Variants in CAMSAP1 observed in about 807,000 individuals in gnomAD.
The protein encoded by CAMSAP1 is calmodulin regulated spectrin associated protein 1, also known as calmodulin-regulated spectrin-associated protein 1.
CAMSAP1 carries 58 observed loss-of-function variants against 143.5 expected under a neutral mutation model. The observed-to-expected ratio is 0.40, with a 90% CI of 0.33 to 0.50. CAMSAP1 has a LOEUF of 0.50. Ranked by LOEUF, CAMSAP1 falls within the 20% of genes least tolerant of loss-of-function variation. The pLI is 0.45. For synonymous variants in CAMSAP1, 945 were observed against 859.3 expected, an observed-to-expected ratio of 1.10 and a Z score of -1.74; for missense variants, 1,969 against 2,115.7, an observed-to-expected ratio of 0.93 and a Z score of 1.36.
At chr9:135,813,323 CTATT>C (rs1248650961) in intron 16 of CAMSAP1, among the ~76,000 whole-genome samples, 2 of 152,314 alleles carry the variant, frequency 1.3e-5, no homozygotes, top group East Asian at 3.9e-4. Flanking sequence ...TGCCACTCTT[CTATT>C]TATTTGGCTT....
At position 135,818,136 on chromosome 9, in the gene CAMSAP1, T is replaced by C; in HGVS notation, c.4169-57A>G. 1 of 1,536,832 alleles carries C rather than the reference T, an allele frequency of 6.5e-7. No homozygotes were observed. The highest frequency in any genetic ancestry group is 9.0e-7 in the Non-Finnish European group (1 of 1,116,740). ...GAACGGATTCCGACAGACAAGTACC[T>C]GTCCCCTGTACCTGTTCCCCTCACC... On this transcript the variant is annotated intron_variant, in intron 13 of 16. Coordinates refer to ENST00000389532, the MANE Select transcript of CAMSAP1 (RefSeq NM_015447.4). This position sits in a 1 kb window ranked among gnomAD's most constrained non-coding sequence, Gnocchi z 7.7.
Position 135,818,357 on chromosome 9 carries a change from CCGCCGCCCGCGGAAGGAAG to C in CAMSAP1, c.4168+32_4168+50del. On this transcript the variant is annotated intron_variant, in intron 13 of 16. Coordinates refer to ENST00000389532, the MANE Select transcript of CAMSAP1 (RefSeq NM_015447.4). The surrounding 1 kb of genome is among the most constrained non-coding windows in gnomAD (Gnocchi z 7.7). Reference sequence around the variant, plus strand: ...TTGAAATGAGCTGAAGAACGTGAGGCCGCCGCCCGCGGAAGGAAGCGCTGCCCGCGTGAGGGCCGGGGCT... The same window carrying C: ...TTGAAATGAGCTGAAGAACGTGAGGCCGCTGCCCGCGTGAGGGCCGGGGCT... 1 of 1,503,788 alleles carries C rather than the reference CCGCCGCCCGCGGAAGGAAG, an allele frequency of 6.6e-7. No homozygotes were observed. The highest frequency in any genetic ancestry group is 8.9e-7 in the Non-Finnish European group (1 of 1,124,570). The allele number at this position is 1,503,788 out of a possible 1,614,324, so 93.2% of individuals were successfully genotyped here.
intron 5 of CAMSAP1, among the ~76,000 whole-genome samples, chr9:135,853,884 A>G (rs539207869): frequency 1.4e-4 from 22 of 152,388 alleles, no homozygotes; most frequent in Admixed American, 1.4e-3. Flanking sequence ...TGAGGCCCAG[A>G]GCCACGATCA....
chr9:135,811,705 T>C lies in CAMSAP1; in HGVS notation c.4507-94A>G. 8.0e-7 allele frequency: 1 copy of C among 1,254,458 alleles called. No individual in the cohort carries two copies. Among genetic ancestry groups the C allele is most frequent in the Non-Finnish European group, 1.1e-6 (1 of 903,022 alleles). The allele number at this position is 1,254,458 out of a possible 1,614,324, so 77.7% of individuals were successfully genotyped here. A position where few individuals can be genotyped will look rare whatever the true frequency, so the allele number is the denominator to read the frequency against. Reference sequence around the variant, plus strand: ...CCCACAGCGGCTCAACCAGCACCGCTCCGTGGGAAGCTCTCCCACCCGTCA... The same window carrying C: ...CCCACAGCGGCTCAACCAGCACCGCCCCGTGGGAAGCTCTCCCACCCGTCA... On this transcript the variant is annotated intron_variant, in intron 16 of 16. Transcript: ENST00000389532. The surrounding 1 kb of genome is among the most constrained non-coding windows in gnomAD (Gnocchi z 4.9).
intron 1 of CAMSAP1, among the ~76,000 whole-genome samples, chr9:135,886,011 AT>A (rs1838109902): frequency 6.6e-6 from 1 of 151,796 alleles, no homozygotes; most frequent in Admixed American, 6.6e-5. Context: ...CGAGAGCTGG[AT>A]GTGCACAGTT....
In CAMSAP1 at chr9:135,818,639, C is replaced by T; in HGVS notation, c.3960-23G>A. ...CGCCTGAGAGAAACACACGCCCAGACACTGCTCGGTCACGGGGCTTCTTCC... is the reference window on the plus strand; with the variant it reads ...CGCCTGAGAGAAACACACGCCCAGATACTGCTCGGTCACGGGGCTTCTTCC... On this transcript the variant is annotated intron_variant, in intron 12 of 16. Transcript: ENST00000389532. This position sits in a 1 kb window ranked among gnomAD's most constrained non-coding sequence, Gnocchi z 7.7. 6.2e-7 allele frequency: 1 copy of T among 1,608,200 alleles called. No homozygotes were observed. The highest frequency in any genetic ancestry group is 8.5e-7 in the Non-Finnish European group (1 of 1,176,690).
In CAMSAP1 at chr9:135,821,188, C is replaced by A. The variant is rs534937617; in HGVS notation, c.3473G>T (p.Gly1158Val). Residue 1158 changes from glycine (G) to valine (V), a missense_variant, in exon 11 of 17, where the codon GGT becomes GTT. Gly to Val is a moderately radical substitution (Grantham distance 109). Coordinates refer to ENST00000389532, the MANE Select transcript of CAMSAP1 (RefSeq NM_015447.4). This position sits in a 1 kb window ranked among gnomAD's most constrained non-coding sequence, Gnocchi z 4.6. ...GAAGAGACACTTCCCATGTGGGTCA[C>A]CACTGGGCTCCAGGGCACTGTCCAG... ...PGLDSALEPSGDPHGKCLFDS... is the reference protein window; with the variant it reads ...PGLDSALEPSVDPHGKCLFDS... 6.2e-6 allele frequency: 10 copies of A among 1,609,936 alleles called. No homozygotes were observed. In the East Asian group the frequency reaches 1.3e-4, roughly 22 times the overall value.
At chr9:135,846,359 C>A (rs1220543150) in intron 7 of CAMSAP1, among the ~76,000 whole-genome samples, 2 of 152,056 alleles carry the variant, frequency 1.3e-5, no homozygotes, top group Non-Finnish European at 2.9e-5. Context: ...TTCCTTACAC[C>A]TTATACAAAA....
At chr9:135,832,436 T>C (rs1835887996) in intron 7 of CAMSAP1, among the ~76,000 whole-genome samples, 1 of 152,202 alleles carries the variant, frequency 6.6e-6, no homozygotes. Context: ...AAAAACCATT[T>C]ATGAAAAGCC....
At chr9:135,902,992 C>T (rs1305000853) in intron 1 of CAMSAP1, among the ~76,000 whole-genome samples, 1 of 152,224 alleles carries the variant, frequency 6.6e-6, no homozygotes, top group Non-Finnish European at 1.5e-5. Context: ...GAATTGAGTG[C>T]ATGCTAGTAC....
intron 7 of CAMSAP1, among the ~76,000 whole-genome samples, chr9:135,846,803 T>G (rs760838599): frequency 6.6e-6 from 1 of 151,540 alleles, no homozygotes; most frequent in Non-Finnish European, 1.5e-5. Context: ...CACTGGTCAT[T>G]AGAGAAATGA....
In CAMSAP1 at chr9:135,838,421, C is replaced by T. The variant is rs575873393; in HGVS notation, c.1046-10837G>A. ...CAGACACACATCATCACGCACTTTC[C>T]ACCCGTTCTACAGACACACATCATC... On this transcript the variant is annotated intron_variant, in intron 7 of 16. Coordinates refer to ENST00000389532, the MANE Select transcript of CAMSAP1 (RefSeq NM_015447.4). 7.2e-3 allele frequency among the ~76,000 whole-genome samples: 1,010 copies of T among 140,888 alleles called. 7 individuals carry two copies. Among genetic ancestry groups the T allele is most frequent in the Non-Finnish European group, 0.012 (769 of 64,824 alleles). The allele number at this position is 140,888 out of a possible 152,430, so 92.4% of individuals were successfully genotyped here.
At position 135,881,732 on chromosome 9, in the gene CAMSAP1, G is replaced by T. The variant is rs1000627161; in HGVS notation, c.486C>A (p.Ile162=). Residue 162 remains isoleucine, a synonymous_variant, in exon 3 of 17, where the codon ATC becomes ATA. Coordinates refer to ENST00000389532, the MANE Select transcript of CAMSAP1 (RefSeq NM_015447.4). ...GCTTGACACTGGCCACCACCTTCTCGATGCTGATCATCTCCACAGTGTAGG... is the reference window on the plus strand; with the variant it reads ...GCTTGACACTGGCCACCACCTTCTCTATGCTGATCATCTCCACAGTGTAGG... ...MMAYTVEMIS[I]EKVVASVKRF... 6.4e-7 allele frequency: 1 copy of T among 1,551,840 alleles called. No homozygotes were observed. The highest frequency in any genetic ancestry group is 8.7e-7 in the Non-Finnish European group (1 of 1,147,026).
At chr9:135,870,020 G>GGA (rs1837517194) in intron 3 of CAMSAP1, among the ~76,000 whole-genome samples, 1 of 152,208 alleles carries the variant, frequency 6.6e-6, no homozygotes, top group South Asian at 2.1e-4. Flanking sequence ...CAGGGGCTGA[G>GGA]GAGAGAATGA....
At chr9:135,851,228 A>T (rs942437092) in intron 5 of CAMSAP1, among the ~76,000 whole-genome samples, 1 of 152,232 alleles carries the variant, frequency 6.6e-6, no homozygotes, top group Non-Finnish European at 1.5e-5. Flanking sequence ...TTGCCTGTAA[A>T]TATATACATA....
In CAMSAP1 at chr9:135,817,987, G is replaced by T. The variant is rs755613665; in HGVS notation, c.4261C>A (p.Pro1421Thr). 6.2e-6 allele frequency: 10 copies of T among 1,613,782 alleles called. No homozygotes were observed. In the Admixed American group the frequency reaches 1.7e-4, roughly 27 times the overall value. ...TCTCAGGCCCCTTACCGCTGAGAGG[G>T]TGTGCCCCCGGAATGAACGCTCTCG... ...EPESVHSGGTPSQRVESMEAL... is the reference protein window; with the variant it reads ...EPESVHSGGTTSQRVESMEAL... The change falls in exon 14 of 17, where the codon CCC becomes ACC. Residue 1421 changes from proline (P) to threonine (T), a missense_variant. Transcript: ENST00000389532.
intron 7 of CAMSAP1, among the ~76,000 whole-genome samples, chr9:135,840,956 T>C (rs1449424218): frequency 6.6e-6 from 1 of 152,116 alleles, no homozygotes; most frequent in African/African-American, 2.4e-5. Flanking sequence ...TGCAGGAGTT[T>C]TTTTTCATAC....
Position 135,820,823 on chromosome 9 carries a change from G to T in CAMSAP1, c.3822+16C>A. The T allele has an allele frequency of 1.9e-6, 3 of 1,609,970 alleles. No homozygotes were observed. The highest frequency in any genetic ancestry group is 2.5e-6 in the Non-Finnish European group (3 of 1,179,020). Reference sequence around the variant, plus strand: ...CACATCACGAGTGCCTGAAACAGATGCTACCAATCCCTTACCTTGAAGAAG... The same window carrying T: ...CACATCACGAGTGCCTGAAACAGATTCTACCAATCCCTTACCTTGAAGAAG... On this transcript the variant is annotated intron_variant, in intron 11 of 16. Transcript: ENST00000389532. The surrounding 1 kb of genome is among the most constrained non-coding windows in gnomAD (Gnocchi z 4.4).
At chr9:135,814,045 G>A (rs111945528) in intron 16 of CAMSAP1, among the ~76,000 whole-genome samples, 33 of 152,316 alleles carry the variant, frequency 2.2e-4, no homozygotes, top group African/African-American at 7.9e-4. Flanking sequence ...AGGGCCACGA[G>A]TCCTTCCAGT....
Sources: allele counts gnomAD v4.1 joint callset (sites outside exome capture counted in the v4.1 genomes callset), GRCh38; gene constraint gnomAD v4.1.1; non-coding constraint Gnocchi (gnomAD v3.1); transcripts MANE v1.5; gene names NCBI Gene and HGNC (gene_info 2026-07-23, HGNC 2026-07-21).